The following ANO10 variants were observed in gnomAD, a reference collection of about 807,000 sequenced individuals.
The protein encoded by ANO10 is anoctamin-10.
ANO10 carries 77 observed loss-of-function variants against 74.7 expected under a neutral mutation model. The observed-to-expected ratio is 1.03, with a 90% CI of 0.86 to 1.25. The LOEUF (loss-of-function observed/expected upper bound fraction) is 1.25. Ranked by LOEUF, ANO10 falls within the 50% of genes most tolerant of loss-of-function variation. The probability of loss-of-function intolerance (pLI) is 0.00; values close to 1 mark genes in which losing one functional copy is unlikely to be tolerated. For synonymous variants in ANO10, 279 were observed against 284.9 expected (o/e 0.98, Z 0.21); for missense variants, 721 against 778.1 (o/e 0.93, Z 0.87).
chr3:43,544,715 C>A (rs1381926898), intron 11 of ANO10, among the ~76,000 whole-genome samples: 1 of 150,534 alleles, frequency 6.6e-6, no homozygotes, highest in African/African-American at 2.4e-5. Context: ...ATTGCTTGAA[C>A]CCAGGAGGCA....
intron 11 of ANO10, among the ~76,000 whole-genome samples, chr3:43,534,582 T>C (rs755301759): frequency 2.9e-4 from 44 of 152,166 alleles, no homozygotes; most frequent in Non-Finnish European, 4.4e-4. Context: ...CATAATTCCC[T>C]GACTCAGACA....
chr3:43,591,345 C>T (rs2081743440), intron 4 of ANO10, among the ~76,000 whole-genome samples: 1 of 152,144 alleles, frequency 6.6e-6, no homozygotes, highest in Admixed American at 6.5e-5. Context: ...AGCTAAGTGC[C>T]CAGGTTCATC....
chr3:43,533,286 C>A (rs910533987), intron 11 of ANO10, among the ~76,000 whole-genome samples: 4 of 152,190 alleles, frequency 2.6e-5, no homozygotes, highest in African/African-American at 9.7e-5. Flanking sequence ...AACCATATCA[C>A]TGAGGCTAAG....
At chr3:43,578,533 T>C (rs1194846096) in intron 5 of ANO10, among the ~76,000 whole-genome samples, 1 of 152,018 alleles carries the variant, frequency 6.6e-6, no homozygotes, top group Non-Finnish European at 1.5e-5. Context: ...GCGAATCACC[T>C]GAGGTCAGGA....
chr3:43,646,100 G>A (rs542493542), intron 1 of ANO10, among the ~76,000 whole-genome samples: 5 of 152,180 alleles, frequency 3.3e-5, no homozygotes, highest in African/African-American at 1.2e-4. Context: ...GAGCCACTGC[G>A]CCTGGCCTCT....
At chr3:43,682,492 A>ACCAGAGGT (rs1282497866) in intron 1 of ANO10, among the ~76,000 whole-genome samples, 4 of 152,226 alleles carry the variant, frequency 2.6e-5, no homozygotes, top group Non-Finnish European at 5.9e-5. Context: ...GCCGAATTCT[A>ACCAGAGGT]CCAGAGGTAC....
chr3:43,690,553 A>C, intron 1 of ANO10: 1 of 164,766 alleles, frequency 6.1e-6, no homozygotes, highest in Non-Finnish European at 1.3e-5. Context: ...CGATTACGCC[A>C]TTTCATTTGC....
intron 1 of ANO10, among the ~76,000 whole-genome samples, chr3:43,681,501 C>A (rs1202760394): frequency 6.6e-6 from 1 of 151,978 alleles, no homozygotes; most frequent in Non-Finnish European, 1.5e-5. Flanking sequence ...CACCCACCGT[C>A]AACATTAGAC....
chr3:43,542,998 G>A (rs2079022324), intron 11 of ANO10, among the ~76,000 whole-genome samples: 1 of 152,138 alleles, frequency 6.6e-6, no homozygotes, highest in Non-Finnish European at 1.5e-5. Flanking sequence ...CTCATGCAAG[G>A]GAGGCTGCAC....
intron 11 of ANO10, among the ~76,000 whole-genome samples, chr3:43,538,772 A>G (rs1480709371): frequency 6.6e-6 from 1 of 152,196 alleles, no homozygotes; most frequent in Non-Finnish European, 1.5e-5. Context: ...CTACACACAC[A>G]GGGGCAGGTG....
At chr3:43,420,297 T>C (rs1477895531) in intron 12 of ANO10, among the ~76,000 whole-genome samples, 2 of 151,754 alleles carry the variant, frequency 1.3e-5, no homozygotes, top group East Asian at 3.9e-4. Context: ...AATACAAAAA[T>C]TAGCCCTTCA....
At chr3:43,470,542 A>C (rs1045256442) in intron 11 of ANO10, among the ~76,000 whole-genome samples, 1 of 151,862 alleles carries the variant, frequency 6.6e-6, no homozygotes, top group Admixed American at 6.6e-5. Context: ...ACGGGGTTTC[A>C]CCGTGGTCTC....
At chr3:43,560,290 G>C (rs189651150) in intron 9 of ANO10, among the ~76,000 whole-genome samples, 205 of 152,302 alleles carry the variant, frequency 1.3e-3, no homozygotes, top group Non-Finnish European at 2.3e-3. Context: ...TTCTGGATGA[G>C]GGGCTTGGAG....
At chr3:43,368,686 C>CT (rs780354509) in intron 12 of ANO10, among the ~76,000 whole-genome samples, 3,188 of 140,726 alleles carry the variant, frequency 0.023, 61 homozygotes, top group African/African-American at 0.051. Flanking sequence ...TTTAAAATGT[C>CT]TTTTTTTTTT....
At chr3:43,558,586 TTTTA>T (rs1195785945) in intron 9 of ANO10, among the ~76,000 whole-genome samples, 1 of 152,218 alleles carries the variant, frequency 6.6e-6, no homozygotes, top group African/African-American at 2.4e-5. Flanking sequence ...ATAGTAATGT[TTTTA>T]AAGTTTCGGC....
chr3:43,691,160 C>A, intron 1 of ANO10: 1 of 1,001,732 alleles, frequency 1.0e-6, no homozygotes, highest in Non-Finnish European at 1.3e-6. Context: ...CGGGCGGCTT[C>A]CTCGACCCTC....
intron 1 of ANO10, among the ~76,000 whole-genome samples, chr3:43,606,648 A>T (rs910743131): frequency 1.6e-5 from 2 of 128,616 alleles, no homozygotes; most frequent in African/African-American, 2.9e-5. Flanking sequence ...TATAACTACT[A>T]AAAAAAAAAA....
chr3:43,371,946 G>T (rs2091626419), intron 12 of ANO10, among the ~76,000 whole-genome samples: 1 of 152,164 alleles, frequency 6.6e-6, no homozygotes, highest in Non-Finnish European at 1.5e-5. Flanking sequence ...TCTGGGCTTG[G>T]TGGTGCCATA....
At chr3:43,686,643 G>C (rs1317175981) in intron 1 of ANO10, among the ~76,000 whole-genome samples, 1 of 152,142 alleles carries the variant, frequency 6.6e-6, no homozygotes, top group East Asian at 1.9e-4. Flanking sequence ...GTCCAGTATG[G>C]TAGCTACTAG....
Sources: allele counts gnomAD v4.1 joint callset (sites outside exome capture counted in the v4.1 genomes callset), GRCh38; gene constraint gnomAD v4.1.1; transcripts MANE v1.5; gene names NCBI Gene and HGNC (gene_info 2026-07-23, HGNC 2026-07-21).